Variants in INPP4B observed in about 807,000 individuals in gnomAD.
INPP4B encodes inositol polyphosphate-4-phosphatase type II B, also known as inositol polyphosphate 4-phosphatase type II.
A neutral mutation model predicts 122.5 loss-of-function variants in INPP4B; 55 were observed. That is an observed-to-expected ratio of 0.45 (90% CI 0.36 to 0.56). INPP4B has a LOEUF of 0.56. Ranked by LOEUF, INPP4B falls within the 20% of genes least tolerant of loss-of-function variation. The pLI, the probability that INPP4B is intolerant of heterozygous loss-of-function variation, is 0.00. For missense variants in INPP4B, 1,000 were observed against 1,097.7 expected (o/e 0.91, Z 1.26); for synonymous variants, 403 against 388.7 (o/e 1.04, Z -0.43).
intron 1 of INPP4B, among the ~76,000 whole-genome samples, chr4:142,816,921 C>A (rs929595163): frequency 1.3e-4 from 20 of 152,132 alleles, no homozygotes; most frequent in African/African-American, 4.8e-4. Flanking sequence ...TTGAATAGTG[C>A]CCCCAAAACT....
chr4:142,559,920 C>G (rs1327602513), intron 2 of INPP4B, among the ~76,000 whole-genome samples: 1 of 152,056 alleles, frequency 6.6e-6, no homozygotes, highest in Non-Finnish European at 1.5e-5. Flanking sequence ...AGTTTTTATA[C>G]ACTTTAAAAA....
chr4:142,565,595 A>C (rs1316464271), intron 2 of INPP4B, among the ~76,000 whole-genome samples: 1 of 152,216 alleles, frequency 6.6e-6, no homozygotes, highest in East Asian at 1.9e-4. Flanking sequence ...CAAACACCAC[A>C]GTAATAGTTG....
At chr4:142,530,556 T>TGC (rs1827476712) in intron 2 of INPP4B, among the ~76,000 whole-genome samples, 1 of 86,150 alleles carries the variant, frequency 1.2e-5, no homozygotes, top group African/African-American at 5.9e-5. Flanking sequence ...TGTGCATATA[T>TGC]ATATATATAT....
chr4:142,352,837 G>A (rs1782349005), intron 7 of INPP4B, among the ~76,000 whole-genome samples: 1 of 151,966 alleles, frequency 6.6e-6, no homozygotes, highest in African/African-American at 2.4e-5. Flanking sequence ...ACAGCCTGTT[G>A]TGTAGGAGGC....
chr4:142,308,815 A>C (rs764991491), intron 8 of INPP4B, among the ~76,000 whole-genome samples: 7 of 152,126 alleles, frequency 4.6e-5, no homozygotes, highest in Non-Finnish European at 1.0e-4. Context: ...AAATAAAGAC[A>C]AAAAAGGGAA....
At chr4:142,029,028 T>A in intron 25 of INPP4B, 114 bp from the exon 26 acceptor site, 2 of 1,436,622 alleles carry the variant, frequency 1.4e-6, no homozygotes, top group South Asian at 1.6e-5. Flanking sequence ...AAGATTCAAC[T>A]CTACATTTTT....
chr4:142,208,918 C>A lies in INPP4B; in HGVS notation c.945G>T (p.Leu315=). ...DQMVNMYQDI[L]TELSKETGSS... is the part of the protein sequence containing the mutation. ...CACCTGTTTCCTTGCTAAGTTCTGT[C>A]AGAATGTCTTGGTACATATTCACCA... Residue 315 remains leucine, a synonymous_variant, in exon 13 of 26, where the codon CTG becomes CTT. Transcript: ENST00000262992. 1 of 1,573,626 alleles carries A rather than the reference C, an allele frequency of 6.4e-7. No homozygotes were observed. The highest frequency in any genetic ancestry group is 2.3e-5 in the East Asian group (1 of 44,112).
intron 2 of INPP4B, among the ~76,000 whole-genome samples, chr4:142,701,295 C>G (rs1204910217): frequency 6.6e-6 from 1 of 152,046 alleles, no homozygotes; most frequent in South Asian, 2.1e-4. Flanking sequence ...CTGCCAGCCT[C>G]TCCACAGTAG....
chr4:142,048,563 G>T (rs1400448514), intron 25 of INPP4B, among the ~76,000 whole-genome samples: 1 of 151,930 alleles, frequency 6.6e-6, no homozygotes, highest in Non-Finnish European at 1.5e-5. Context: ...TGTTATGTTT[G>T]TGTGTTACAT....
At chr4:142,829,628 T>C (rs1781867135) in intron 1 of INPP4B, among the ~76,000 whole-genome samples, 1 of 152,132 alleles carries the variant, frequency 6.6e-6, no homozygotes, top group African/African-American at 2.4e-5. Context: ...GACAGTGAAA[T>C]TCTTAATCGT....
chr4:142,117,075 A>G (rs917464828), intron 21 of INPP4B, among the ~76,000 whole-genome samples: 1 of 152,190 alleles, frequency 6.6e-6, no homozygotes, highest in Non-Finnish European at 1.5e-5. Context: ...AAATGGATAA[A>G]TTCCTGGACA....
chr4:142,244,239 A>T (rs1579417751), intron 11 of INPP4B, among the ~76,000 whole-genome samples: 1 of 148,964 alleles, frequency 6.7e-6, no homozygotes, highest in African/African-American at 2.5e-5. Flanking sequence ...AAGGACATGA[A>T]CTCATCTTTT....
chr4:142,265,814 T>C (rs543938351), intron 10 of INPP4B, among the ~76,000 whole-genome samples: 1 of 152,306 alleles, frequency 6.6e-6, no homozygotes, highest in Non-Finnish European at 1.5e-5. Flanking sequence ...TTAAGTCTTT[T>C]TAAAGTTCAT....
intron 2 of INPP4B, among the ~76,000 whole-genome samples, chr4:142,623,160 C>T (rs1195370579): frequency 6.6e-6 from 1 of 151,908 alleles, no homozygotes; most frequent in Admixed American, 6.6e-5. Context: ...CTATCACAGT[C>T]GCAAATATAC....
chr4:142,629,452 G>A (rs971644715), intron 2 of INPP4B, among the ~76,000 whole-genome samples: 8 of 152,152 alleles, frequency 5.3e-5, no homozygotes, highest in Non-Finnish European at 8.8e-5. Context: ...AGGAAGGAGA[G>A]ATTGTTTATT....
chr4:142,641,490 G>T (rs1226774626), intron 2 of INPP4B, among the ~76,000 whole-genome samples: 6 of 146,530 alleles, frequency 4.1e-5, no homozygotes, highest in African/African-American at 1.5e-4. Flanking sequence ...TCATTTTTCA[G>T]TTCCCAGCTA....
chr4:142,544,790 T>G (rs1829363162), intron 2 of INPP4B, among the ~76,000 whole-genome samples: 1 of 152,138 alleles, frequency 6.6e-6, no homozygotes, highest in Non-Finnish European at 1.5e-5. Flanking sequence ...GATTGAGTGT[T>G]GACTAATAAA....
intron 8 of INPP4B, among the ~76,000 whole-genome samples, chr4:142,312,725 G>C (rs912883522): frequency 6.6e-6 from 1 of 152,248 alleles, no homozygotes; most frequent in South Asian, 2.1e-4. Context: ...GTGGAATGGG[G>C]GTGGGCAGTG....
In INPP4B at chr4:142,564,963, A is replaced by G. The variant is rs1473920605; in HGVS notation, c.-190-102237T>C. On this transcript the variant is annotated intron_variant, in intron 2 of 25. Coordinates refer to ENST00000262992, the MANE Select transcript of INPP4B (RefSeq NM_001101669.3). ...TATAGAACATATTCAAATTTCTCCA[A>G]TTGTTCCACCAATGCTCTTTTTTGG... Among the ~76,000 whole-genome samples the G allele has an allele frequency of 2.0e-5, 3 of 152,208 alleles. No individual in the cohort carries two copies. The East Asian group carries it at 5.8e-4, about 29-fold the overall frequency.
Sources: gnomAD v4.1 joint callset for allele counts (sites outside exome capture counted in the v4.1 genomes callset) on GRCh38, gnomAD v4.1.1 for gene constraint, MANE v1.5 for transcripts, NCBI Gene and HGNC (gene_info 2026-07-23, HGNC 2026-07-21) for gene names.